The following MYPN variants were observed in gnomAD, a reference collection of about 807,000 sequenced individuals.
MYPN encodes myopalladin.
In MYPN, 63 loss-of-function variants were observed where a neutral mutation model predicts 129.4. The observed-to-expected ratio is 0.49, with a 90% CI of 0.40 to 0.60. The LOEUF (loss-of-function observed/expected upper bound fraction) is 0.60. Ranked by LOEUF, MYPN falls within the 20% of genes least tolerant of loss-of-function variation. The pLI is 0.00. For missense variants in MYPN, 1,596 were observed against 1,635.4 expected (o/e 0.98, Z 0.42); for synonymous variants, 629 against 600.9 (o/e 1.05, Z -0.68).
At chr10:68,123,488 A>G (rs975997142) in intron 2 of MYPN, among the ~76,000 whole-genome samples, 2 of 151,270 alleles carry the variant, frequency 1.3e-5, no homozygotes, top group African/African-American at 4.9e-5. Flanking sequence ...CATCCTGGCT[A>G]AAAAGGTGAA....
chr10:68,206,009 A>G (rs937460548), intron 18 of MYPN, among the ~76,000 whole-genome samples: 1 of 152,234 alleles, frequency 6.6e-6, no homozygotes, highest in African/African-American at 2.4e-5. Flanking sequence ...CTTTGAGCTC[A>G]GGAAGCCGTT....
chr10:68,113,608 G>A (rs1290371009), intron 1 of MYPN, among the ~76,000 whole-genome samples: 4 of 150,956 alleles, frequency 2.6e-5, no homozygotes, highest in Admixed American at 6.6e-5. Flanking sequence ...GAGGTGGGAG[G>A]ATTGCTTGAG....
Position 68,182,314 on chromosome 10 carries a change from T to TATATATAACATATATATAACACACAC in MYPN, c.2704-6567_2704-6542dup, listed in dbSNP as rs1564686682. Among the ~76,000 whole-genome samples the TATATATAACATATATATAACACACAC allele has an allele frequency of 3.5e-4, 7 of 19,886 alleles. No individual in the cohort carries two copies. In the East Asian group the frequency reaches 9.5e-3, roughly 27 times the overall value. 13.0% of individuals were successfully genotyped at this position (19,886 alleles called of 152,430 possible). A position where few individuals can be genotyped will look rare whatever the true frequency, so the allele number is the denominator to read the frequency against. On this transcript the variant is annotated intron_variant, in intron 12 of 19. Coordinates refer to ENST00000358913, the MANE Select transcript of MYPN (RefSeq NM_032578.4). ...ATATAACATATATATAACACACACA[T>TATATATAACATATATATAACACACAC]ATATATAACATATATATAACACACA...
intron 13 of MYPN, among the ~76,000 whole-genome samples, chr10:68,191,823 T>C (rs1564692490): frequency 6.6e-6 from 1 of 152,206 alleles, no homozygotes; most frequent in African/African-American, 2.4e-5. Flanking sequence ...TTGCTGTTAG[T>C]GTATAGATGC....
intron 15 of MYPN, among the ~76,000 whole-genome samples, chr10:68,197,086 CT>C (rs2043619777): frequency 6.6e-6 from 1 of 152,144 alleles, no homozygotes; most frequent in South Asian, 2.1e-4. Flanking sequence ...GCTGAGCCCA[CT>C]TAATCCAGAA....
rs371764702 is a variant in MYPN, at chr10:68,113,321, A to G, written c.-2+3598A>G. On this transcript the variant is annotated intron_variant, in intron 1 of 19. Transcript: ENST00000358913. Reference sequence around the variant, plus strand: ...AGGCTATTTTTGGGCCTGCCTCTAAACCAGATTTAGGTTACTTAGGAGTTC... The same window carrying G: ...AGGCTATTTTTGGGCCTGCCTCTAAGCCAGATTTAGGTTACTTAGGAGTTC... 4.5e-4 allele frequency among the ~76,000 whole-genome samples: 68 copies of G among 152,310 alleles called. No individual in the cohort carries two copies. The South Asian group carries it at 7.3e-3, about 16-fold the overall frequency.
At chr10:68,114,861 T>C (rs2042133100) in intron 1 of MYPN, among the ~76,000 whole-genome samples, 1 of 152,152 alleles carries the variant, frequency 6.6e-6, no homozygotes, top group Non-Finnish European at 1.5e-5. Context: ...ATTTCATCAA[T>C]GCCATGATCT....
intron 2 of MYPN, 121 bp downstream of exon 2, chr10:68,122,461 C>A: frequency 9.7e-7 from 1 of 1,026,374 alleles, no homozygotes; most frequent in South Asian, 1.4e-5. Context: ...GAAAAGTAGT[C>A]GGTATCTAAA....
upstream of MYPN, among the ~76,000 whole-genome samples, chr10:68,103,950 C>T (rs184975764): frequency 2.6e-3 from 389 of 152,314 alleles, no homozygotes; most frequent in African/African-American, 9.0e-3. Context: ...AACTCTGTCT[C>T]AAACAACAAC....
At chr10:68,122,726 A>G (rs1336200970) in intron 2 of MYPN, among the ~76,000 whole-genome samples, 2 of 151,996 alleles carry the variant, frequency 1.3e-5, no homozygotes, top group Admixed American at 1.3e-4. Flanking sequence ...AAATGGAGAA[A>G]TCCCATCTCT....
intron 12 of MYPN, among the ~76,000 whole-genome samples, chr10:68,182,362 CATATATATAACAT>C (rs1259732261): frequency 8.4e-6 from 1 of 118,740 alleles, no homozygotes; most frequent in Non-Finnish European, 1.8e-5. Context: ...ATATATAACA[CATATATATAACAT>C]ATATAACACA....
chr10:68,090,084 G>A (rs930655134), intron 1 of MYPN, among the ~76,000 whole-genome samples: 2 of 152,038 alleles, frequency 1.3e-5, no homozygotes, highest in Admixed American at 1.3e-4. Context: ...AGTGTTAGAC[G>A]TCTACTCGTG....
intron 2 of MYPN, among the ~76,000 whole-genome samples, chr10:68,138,099 T>G (rs1453956228): frequency 7.0e-6 from 1 of 143,622 alleles, no homozygotes; most frequent in Non-Finnish European, 1.5e-5. Flanking sequence ...TTTTTCTTTT[T>G]CTTTTTTCTT....
chr10:68,173,841 T>TTC (rs1203684327), intron 10 of MYPN, among the ~76,000 whole-genome samples: 1 of 86,844 alleles, frequency 1.2e-5, no homozygotes, highest in Admixed American at 1.3e-4. Context: ...AATTTTTTTT[T>TTC]TTTTTGTTAG....
intron 12 of MYPN, among the ~76,000 whole-genome samples, chr10:68,183,382 C>A (rs564447541): frequency 1.3e-5 from 2 of 151,958 alleles, no homozygotes; most frequent in South Asian, 4.1e-4. Context: ...AGATGGCTTG[C>A]GCCCAGGAGG....
At chr10:68,161,778 AT>A in intron 8 of MYPN, 26 bp downstream of exon 8, 1 of 1,563,108 alleles carries the variant, frequency 6.4e-7, no homozygotes, top group South Asian at 1.1e-5. Context: ...ACTTTAATTT[AT>A]TAGTATATGA....
At chr10:68,199,237 C>A in intron 16 of MYPN, 131 bp from the exon 17 acceptor site, 1 of 848,376 alleles carries the variant, frequency 1.2e-6, no homozygotes, top group Non-Finnish European at 2.0e-6. Context: ...GATGCCCCTA[C>A]AGAGAGGTTT....
At chr10:68,104,052 T>C (rs976279801), upstream of MYPN, among the ~76,000 whole-genome samples, 1 of 152,216 alleles carries the variant, frequency 6.6e-6, no homozygotes, top group African/African-American at 2.4e-5. Context: ...TAAGGCGTAA[T>C]TTCCTCCCAG....
upstream of MYPN, chr10:68,109,363 T>C: frequency 2.9e-6 from 1 of 346,182 alleles, no homozygotes; most frequent in Admixed American, 3.7e-5. Flanking sequence ...AAAGAACTGA[T>C]TGACCCCCAC....
Sources: allele counts gnomAD v4.1 joint callset (sites outside exome capture counted in the v4.1 genomes callset), GRCh38; gene constraint gnomAD v4.1.1; transcripts MANE v1.5; gene names NCBI Gene and HGNC (gene_info 2026-07-23, HGNC 2026-07-21).